Variants in RUNDC3A observed in about 807,000 individuals in gnomAD.
RUNDC3A encodes the protein RUN domain-containing protein 3A.
A neutral mutation model predicts 53.9 loss-of-function variants in RUNDC3A; 28 were observed. The observed-to-expected ratio is 0.52, with a 90% CI of 0.38 to 0.71. The LOEUF (loss-of-function observed/expected upper bound fraction) is 0.71, where lower values mean the gene tolerates loss of function less well. Ranked by LOEUF, RUNDC3A falls within the 30% of genes least tolerant of loss-of-function variation. RUNDC3A has a pLI of 0.00. For missense variants in RUNDC3A, 491 were observed against 597.3 expected, an observed-to-expected ratio of 0.82 and a Z score of 1.85; for synonymous variants, 232 against 249.4, an observed-to-expected ratio of 0.93 and a Z score of 0.66.
At chr17:44,308,971 G>A (rs759816413) in intron 1 of RUNDC3A, 32 bp downstream of exon 1, 1 of 1,486,440 alleles carries the variant, frequency 6.7e-7, no homozygotes, top group Non-Finnish European at 9.2e-7. Context: ...GGGCTGGGGT[G>A]GTGAGGGAGA....
intron 2 of RUNDC3A, among the ~76,000 whole-genome samples, 172 bp downstream of exon 2, chr17:44,312,867 C>T (rs1181591940): frequency 6.6e-6 from 1 of 152,146 alleles, no homozygotes; most frequent in Admixed American, 6.5e-5. Context: ...GACCCTGGCC[C>T]CCATTCTGGG....
chr17:44,316,809 A>G (rs934115982), intron 10 of RUNDC3A, 84 bp downstream of exon 10: 2 of 686,590 alleles, frequency 2.9e-6, no homozygotes. Context: ...GTCCTCATTC[A>G]TTCTCTTAGT....
At chr17:44,312,551 C>A in intron 1 of RUNDC3A, 29 bp from the exon 2 acceptor site, 1 of 1,316,994 alleles carries the variant, frequency 7.6e-7, no homozygotes, top group Non-Finnish European at 1.1e-6. Context: ...TGACACCCCA[C>A]TGCCCCATCT....
In RUNDC3A at chr17:44,315,055, G is replaced by A; in HGVS notation, c.629+46G>A. On this transcript the variant is annotated intron_variant, in intron 6 of 10. Transcript: ENST00000426726. This position sits in a 1 kb window ranked among gnomAD's most constrained non-coding sequence, Gnocchi z 6.1. ...GGCGGGGCGGGGGACGGGGCCTCGG[G>A]ACATCCTGGGGACGTCCTGGTCCCA... 1 of 1,610,818 alleles carries A rather than the reference G, an allele frequency of 6.2e-7. No homozygotes were observed. The highest frequency in any genetic ancestry group is 8.5e-7 in the Non-Finnish European group (1 of 1,178,822).
intron 10 of RUNDC3A, chr17:44,317,863 G>A (rs2047902614): frequency 8.4e-6 from 5 of 593,456 alleles, no homozygotes; most frequent in Admixed American, 2.9e-5. Context: ...GAGAGAGGAT[G>A]ACCCTCACGG....
At chr17:44,310,352 G>T (rs1210423833) in intron 1 of RUNDC3A, among the ~76,000 whole-genome samples, 1 of 152,220 alleles carries the variant, frequency 6.6e-6, no homozygotes, top group Non-Finnish European at 1.5e-5. Flanking sequence ...TCCTAATGAC[G>T]CTCTTCCTGT....
At chr17:44,317,434 A>G in intron 10 of RUNDC3A, 1 of 780,758 alleles carries the variant, frequency 1.3e-6, no homozygotes, top group Non-Finnish European at 2.4e-6. Flanking sequence ...TCTCATGCAC[A>G]CTGTGAACTA....
chr17:44,313,329 G>T (rs1482538512), intron 3 of RUNDC3A, 77 bp downstream of exon 3: 1 of 1,607,934 alleles, frequency 6.2e-7, no homozygotes, highest in Non-Finnish European at 8.5e-7. Flanking sequence ...TTTGCCCCCT[G>T]TGCACAGCCC....
At chr17:44,310,801 G>C (rs2144672334) in intron 1 of RUNDC3A, 2 of 985,424 alleles carry the variant, frequency 2.0e-6, no homozygotes, top group East Asian at 2.3e-4. Flanking sequence ...ACCCAGTCCA[G>C]GCCCCATCAT....
chr17:44,312,706 C>T lies in RUNDC3A; in HGVS notation c.223+11C>T, dbSNP rs945703306. The T allele has an allele frequency of 1.6e-5, 23 of 1,450,950 alleles. No homozygotes were observed. Among genetic ancestry groups the T allele is most frequent in the East Asian group, 2.5e-5 (1 of 39,920 alleles). The allele number at this position is 1,450,950 out of a possible 1,614,324, so 89.9% of individuals were successfully genotyped here. On this transcript the variant is annotated intron_variant, in intron 2 of 10. Transcript: ENST00000426726. Reference sequence around the variant, plus strand: ...GCCACCGCTTCAAAGGTGGGCCCAGCGCCCCTCCCCCAGCGGTCCCTCCCC... The same window carrying T: ...GCCACCGCTTCAAAGGTGGGCCCAGTGCCCCTCCCCCAGCGGTCCCTCCCC...
chr17:44,310,857 C>T (rs1158857064), intron 1 of RUNDC3A: 17 of 985,474 alleles, frequency 1.7e-5, no homozygotes, highest in African/African-American at 1.7e-5. Context: ...CAGGAGGGTG[C>T]GCATAGTGAA....
At chr17:44,317,782 T>C in intron 10 of RUNDC3A, 1 of 599,742 alleles carries the variant, frequency 1.7e-6, no homozygotes. Context: ...GGACCGTGTC[T>C]TGTCCGTTCT....
intron 10 of RUNDC3A, 88 bp from the exon 11 acceptor site, chr17:44,318,008 T>C: frequency 1.5e-6 from 2 of 1,375,546 alleles, no homozygotes; most frequent in Non-Finnish European, 2.0e-6. Flanking sequence ...GGGGGGTGAC[T>C]TGAGGGCTGC....
chr17:44,317,135 T>C (rs1185568209), intron 10 of RUNDC3A: 4 of 444,466 alleles, frequency 9.0e-6, no homozygotes, highest in African/African-American at 5.9e-5. Context: ...TGTGAGCCAC[T>C]GTGCCCGGCC....
chr17:44,308,955 G>T lies in RUNDC3A; in HGVS notation c.107+16G>T. ...CCGTGTGCAGGTGGGCACCGCTAGT[G>T]GGCGGGGGCTGGGGTGGTGAGGGAG... On this transcript the variant is annotated intron_variant, in intron 1 of 10. Coordinates refer to ENST00000426726, the MANE Select transcript of RUNDC3A (RefSeq NM_001144825.2). 6.4e-7 allele frequency: 1 copy of T among 1,572,974 alleles called. No individual in the cohort carries two copies. The highest frequency in any genetic ancestry group is 2.3e-5 in the East Asian group (1 of 43,780).
chr17:44,309,592 G>A (rs1017002090), intron 1 of RUNDC3A, among the ~76,000 whole-genome samples: 3 of 152,066 alleles, frequency 2.0e-5, no homozygotes, highest in African/African-American at 7.2e-5. Context: ...CGGGGCCCAG[G>A]AAGTGATCCT....
intron 1 of RUNDC3A, chr17:44,310,787 C>A: frequency 1.0e-6 from 1 of 985,522 alleles, no homozygotes; most frequent in African/African-American, 1.7e-5. Context: ...GGCTGCCATG[C>A]TGAACCCAGT....
Position 44,315,251 on chromosome 17 carries a change from C to T in RUNDC3A, c.726C>T (p.Thr242=), listed in dbSNP as rs773448874. The T allele has an allele frequency of 1.5e-5, 24 of 1,550,612 alleles. 1 individual carries two copies. In the South Asian group the frequency reaches 2.7e-4, roughly 18 times the overall value. ...SPEHPYLPLV[T]DEDSWYSKWH... ...AGCACCCGTACCTCCCGCTCGTCAC[C>T]GATGAGGACAGCTGGTACAGCAAGT... The change falls in exon 7 of 11, where the codon ACC becomes ACT. Residue 242 remains threonine, a synonymous_variant. Transcript: ENST00000426726. This position sits in a 1 kb window ranked among gnomAD's most constrained non-coding sequence, Gnocchi z 6.1.
chr17:44,317,043 C>T (rs1187631009), intron 10 of RUNDC3A: 9 of 383,062 alleles, frequency 2.3e-5, no homozygotes, highest in African/African-American at 4.1e-5. Flanking sequence ...TTAGTAGAGA[C>T]GGAGTTTCGC....
Sources: allele counts gnomAD v4.1 joint callset (sites outside exome capture counted in the v4.1 genomes callset), GRCh38; gene constraint gnomAD v4.1.1; non-coding constraint Gnocchi (gnomAD v3.1); transcripts MANE v1.5; gene names NCBI Gene and HGNC (gene_info 2026-07-23, HGNC 2026-07-21).